The following NFYC variants were observed in gnomAD, a reference collection of about 807,000 sequenced individuals.
NFYC encodes CAAT box DNA-binding protein subunit C.
A neutral mutation model predicts 53.1 loss-of-function variants in NFYC; 25 were observed. The observed-to-expected ratio is 0.47, with a 90% CI of 0.34 to 0.66. The LOEUF (loss-of-function observed/expected upper bound fraction) is 0.66, where lower values mean the gene tolerates loss of function less well. Among genes scored for constraint, NFYC ranks in the 30% least tolerant of loss-of-function variants. NFYC has a pLI of 0.01. For missense variants in NFYC, 260 were observed against 422.7 expected, an observed-to-expected ratio of 0.62 and a Z score of 3.38; for synonymous variants, 145 against 152.6, an observed-to-expected ratio of 0.95 and a Z score of 0.37.
At chr1:40,740,803 A>G (rs12134020) in intron 2 of NFYC, among the ~76,000 whole-genome samples, 13,038 of 152,180 alleles carry the variant, frequency 0.086, 760 homozygotes, top group Non-Finnish European at 0.12. Context: ...GACTAGGCCA[A>G]TCGAGCAAGT....
intron 2 of NFYC, among the ~76,000 whole-genome samples, chr1:40,741,026 T>C (rs543645887): frequency 1.5e-4 from 23 of 152,164 alleles, no homozygotes; most frequent in Non-Finnish European, 2.6e-4. Flanking sequence ...CACATTGTTA[T>C]GGAACTTACC....
intron 1 of NFYC, among the ~76,000 whole-genome samples, chr1:40,700,387 G>T (rs568806218): frequency 1.3e-5 from 2 of 151,958 alleles, no homozygotes; most frequent in African/African-American, 4.8e-5. Flanking sequence ...TCTTGCCCAC[G>T]CTGGAGTGAG....
At chr1:40,755,231 C>G (rs1372574530) in intron 5 of NFYC, among the ~76,000 whole-genome samples, 2 of 152,204 alleles carry the variant, frequency 1.3e-5, no homozygotes, top group South Asian at 2.1e-4. Flanking sequence ...TGATGCTGCT[C>G]TTCTCTGGCA....
chr1:40,759,602 G>A (rs565018583), intron 6 of NFYC, among the ~76,000 whole-genome samples: 1 of 151,666 alleles, frequency 6.6e-6, no homozygotes, highest in Non-Finnish European at 1.5e-5. Flanking sequence ...ATATATGTGT[G>A]TATATATATG....
intron 1 of NFYC, among the ~76,000 whole-genome samples, chr1:40,696,893 C>T (rs548860545): frequency 3.3e-5 from 5 of 152,296 alleles, no homozygotes; most frequent in South Asian, 4.1e-4. Flanking sequence ...AGGAAGGCTA[C>T]AAGGTCATTT....
At chr1:40,714,692 G>A (rs947498617) in intron 1 of NFYC, among the ~76,000 whole-genome samples, 4 of 150,546 alleles carry the variant, frequency 2.7e-5, no homozygotes, top group Admixed American at 1.3e-4. Context: ...ATAGATCACT[G>A]CAACCTTAAA....
In NFYC at chr1:40,770,744, G is replaced by T; in HGVS notation, c.924G>T (p.Ala308=). The T allele has an allele frequency of 6.2e-7, 1 of 1,613,962 alleles. No individual in the cohort carries two copies. The highest frequency in any genetic ancestry group is 8.5e-7 in the Non-Finnish European group (1 of 1,180,040). Residue 308 remains alanine (A), a synonymous_variant, in exon 10 of 10, where the codon GCG becomes GCT. Coordinates refer to ENST00000447388, the MANE Select transcript of NFYC (RefSeq NM_014223.5). This position sits in a 1 kb window ranked among gnomAD's most constrained non-coding sequence, Gnocchi z 5.3. The part of the protein sequence containing the change: ...LYQIQQVTMP[A]GQDLAQPMFI... ...AGATCCAGCAAGTCACCATGCCTGCGGGCCAGGACCTCGCCCAGCCCATGT... is the reference window on the plus strand; with the variant it reads ...AGATCCAGCAAGTCACCATGCCTGCTGGCCAGGACCTCGCCCAGCCCATGT...
chr1:40,730,195 CTTTTTTTT>C (rs34045698), intron 1 of NFYC, among the ~76,000 whole-genome samples: 23 of 102,004 alleles, frequency 2.3e-4, no homozygotes, highest in South Asian at 1.1e-3. Context: ...TCTTTCTTTT[CTTTTTTTT>C]TTTTTTTTTT....
chr1:40,750,598 A>T (rs902429925), intron 4 of NFYC, among the ~76,000 whole-genome samples: 2 of 152,194 alleles, frequency 1.3e-5, no homozygotes, highest in African/African-American at 4.8e-5. Context: ...AAAGCAAAAA[A>T]AGCAAAAAAT....
At chr1:40,755,879 T>C (rs1186180116) in intron 5 of NFYC, among the ~76,000 whole-genome samples, 1 of 151,576 alleles carries the variant, frequency 6.6e-6, no homozygotes, top group African/African-American at 2.4e-5. Context: ...CTGGAAGGGG[T>C]TTTTAAAGGG....
intron 6 of NFYC, among the ~76,000 whole-genome samples, chr1:40,759,798 G>A (rs565796883): frequency 6.6e-6 from 1 of 152,172 alleles, no homozygotes; most frequent in African/African-American, 2.4e-5. Context: ...TCAGAGGTGA[G>A]AAACAGTACA....
intron 6 of NFYC, among the ~76,000 whole-genome samples, chr1:40,761,927 G>A (rs74068579): frequency 8.5e-5 from 10 of 117,948 alleles, no homozygotes; most frequent in African/African-American, 2.6e-4. Context: ...CCACACCCCC[G>A]CCACCCCCCA....
chr1:40,758,318 C>T (rs763286594), intron 6 of NFYC, 24 bp downstream of exon 6: 16 of 1,588,632 alleles, frequency 1.0e-5, no homozygotes, highest in Admixed American at 1.7e-5. Context: ...TGAGGATGCC[C>T]ATCCAGCAAG....
At position 40,753,238 on chromosome 1, in the gene NFYC, A is replaced by G. The variant is rs1646013755; in HGVS notation, c.379A>G (p.Lys127Glu). Residue 127 changes from lysine (K) to glutamate (E), a missense_variant, in exon 5 of 10, where the codon AAG becomes GAG. By Grantham distance (56) the Lys-to-Glu change is moderately conservative (BLOSUM62 1). Transcript: ENST00000447388. ...IVPRDELKPP[K>E]RQEEVRQSVT... is the part of the protein sequence containing the mutation. ...TCCAAGAGATGAACTGAAACCTCCAAAGCGTCAGGTGAGCTGTGAAGGGAT... is the reference window on the plus strand; with the variant it reads ...TCCAAGAGATGAACTGAAACCTCCAGAGCGTCAGGTGAGCTGTGAAGGGAT... The G allele has an allele frequency of 6.2e-7, 1 of 1,613,058 alleles. No individual in the cohort carries two copies.
rs1439399298 is a variant in NFYC, at chr1:40,691,776, C to G, written c.-100C>G. The G allele has an allele frequency of 8.8e-6, 4 of 453,878 alleles. No individual in the cohort carries two copies. In the Admixed American group the frequency reaches 9.5e-5, roughly 11 times the overall value. 28.1% of individuals were successfully genotyped at this position (453,878 alleles called of 1,614,324 possible). A position where few individuals can be genotyped will look rare whatever the true frequency, so the allele number is the denominator to read the frequency against. Reference sequence around the variant, plus strand: ...CTCCGTTCTCCGTGACGCACACTTCCCCCTCCCCTCCGCCGCGCCTGGGCC... The same window carrying G: ...CTCCGTTCTCCGTGACGCACACTTCGCCCTCCCCTCCGCCGCGCCTGGGCC... On this transcript the variant is annotated 5_prime_UTR_variant, in exon 1 of 10. Transcript: ENST00000447388.
At chr1:40,768,769 T>A (rs1646944644) in intron 8 of NFYC, 1 of 152,548 alleles carries the variant, frequency 6.6e-6, no homozygotes, top group South Asian at 2.1e-4. Context: ...CCTTTTCTCC[T>A]CCCCTCCTTT....
At chr1:40,716,830 G>C (rs555787175) in intron 1 of NFYC, among the ~76,000 whole-genome samples, 141 of 152,234 alleles carry the variant, frequency 9.3e-4, no homozygotes, top group African/African-American at 2.9e-3. Flanking sequence ...GACACTGTTG[G>C]ACACTGTTAC....
intron 2 of NFYC, among the ~76,000 whole-genome samples, chr1:40,745,504 C>T (rs998939204): frequency 6.6e-6 from 1 of 152,190 alleles, no homozygotes; most frequent in African/African-American, 2.4e-5. Flanking sequence ...GGCCCCAACC[C>T]AGTATCCTCT....
intron 1 of NFYC, among the ~76,000 whole-genome samples, chr1:40,731,007 T>A (rs1361188527): frequency 1.3e-5 from 2 of 152,184 alleles, no homozygotes; most frequent in Non-Finnish European, 1.5e-5. Flanking sequence ...TCTTCTTGCA[T>A]CCCGAATATG....
Sources: allele counts gnomAD v4.1 joint callset (sites outside exome capture counted in the v4.1 genomes callset), GRCh38; gene constraint gnomAD v4.1.1; non-coding constraint Gnocchi (gnomAD v3.1); transcripts MANE v1.5; gene names NCBI Gene and HGNC (gene_info 2026-07-23, HGNC 2026-07-21).